HSPG2: variants seen among roughly 807,000 people sequenced by gnomAD.
The protein encoded by HSPG2 is heparan sulfate proteoglycan 2.
In HSPG2, 278 loss-of-function variants were observed where a neutral mutation model predicts 526.6. The ratio of observed to expected loss-of-function variants is 0.53; its 90% CI spans 0.48 to 0.58. HSPG2 has a LOEUF of 0.58. Ranked by LOEUF, HSPG2 falls within the 20% of genes least tolerant of loss-of-function variation. The pLI is 0.00. For missense variants in HSPG2, 5,354 were observed against 6,099.5 expected, an observed-to-expected ratio of 0.88 and a Z score of 4.07; for synonymous variants, 2,465 against 2,555.4, an observed-to-expected ratio of 0.96 and a Z score of 1.07.
rs145115799 is a variant in HSPG2, at chr1:21,931,535, G to A, written c.63+5620C>T. Among the ~76,000 whole-genome samples the A allele has an allele frequency of 3.7e-3, 567 of 152,316 alleles. 7 individuals are homozygous for A. Among genetic ancestry groups the A allele is most frequent in the Non-Finnish European group, 3.6e-3 (242 of 68,012 alleles). ...GGTAGGCCCAGCAGATACTTGGGAA[G>A]CTGCCGGGGAACCAAGTCATATTCA... On this transcript the variant is annotated intron_variant, in intron 1 of 96. Transcript: ENST00000374695.
At chr1:21,827,966 G>T (rs754935588) in intron 90 of HSPG2, 47 bp from the exon 91 acceptor site, 24 of 1,610,672 alleles carry the variant, frequency 1.5e-5, no homozygotes, top group Non-Finnish European at 2.0e-5. Flanking sequence ...ACACCCGTGG[G>T]TACTATGTCG....
rs375141478 is a variant in HSPG2 at position 21,850,141 on chromosome 1, G to A, written c.7346C>T (p.Ala2449Val). 3.4e-5 allele frequency: 55 copies of A among 1,613,286 alleles called. No individual in the cohort carries two copies. The highest frequency in any genetic ancestry group is 4.5e-5 in the Non-Finnish European group (53 of 1,180,040). The change falls in exon 57 of 97, where the codon GCC (alanine) becomes GTC (valine). Residue 2449 changes from alanine to valine, a missense_variant. Transcript: ENST00000374695. ...VRIESSSSQVAEGQTLDLNCL... is the reference protein window; with the variant it reads ...VRIESSSSQVVEGQTLDLNCL... Reference sequence around the variant, plus strand: ...GTTCAGGTCCAGGGTCTGCCCCTCGGCCACTTGCGAAGACGATGACTCGAT... The same window carrying A: ...GTTCAGGTCCAGGGTCTGCCCCTCGACCACTTGCGAAGACGATGACTCGAT...
rs1284358564 is a variant in HSPG2 at position 21,842,348 on chromosome 1, G to A, written c.8943C>T (p.Val2981=). 1 of 1,610,536 alleles carries A rather than the reference G, an allele frequency of 6.2e-7. No individual in the cohort carries two copies. The highest frequency in any genetic ancestry group is 1.1e-5 in the South Asian group (1 of 90,852). The part of the protein sequence containing the change: ...THGSQLRLHL[V]SPADSGEYVC... ...CATACTCGCCTGAGTCGGCAGGGGAGACGAGGTGGAGCCGCAGCTGGGAGC... is the reference window on the plus strand; with the variant it reads ...CATACTCGCCTGAGTCGGCAGGGGAAACGAGGTGGAGCCGCAGCTGGGAGC... The change falls in exon 68 of 97, where the codon GTC becomes GTT. Residue 2981 remains valine, a synonymous_variant. Transcript: ENST00000374695.
chr1:21,864,189 T>C lies in HSPG2; in HGVS notation c.4651A>G (p.Thr1551Ala), dbSNP rs1408726373. 1.3e-6 allele frequency: 2 copies of C among 1,553,236 alleles called. No homozygotes were observed. The highest frequency in any genetic ancestry group is 1.7e-6 in the Non-Finnish European group (2 of 1,148,248). Residue 1551 changes from threonine to alanine, a missense_variant, in exon 37 of 97, where the codon ACC becomes GCC. By Grantham distance (58) the Thr-to-Ala change is moderately conservative. Transcript: ENST00000374695. This position sits in a 1 kb window ranked among gnomAD's most constrained non-coding sequence, Gnocchi z 4.8. ...TGGCCGAGGTAGAGCCCACTCCCGG[T>C]GCGCGTGTAGCCGGGGGCACAGTCC... is the stretch of plus-strand genomic sequence containing the variant. The part of the protein sequence containing the change: ...CQDCAPGYTR[T>A]GSGLYLGHCE...
chr1:21,870,939 G>A, intron 33 of HSPG2: 1 of 935,394 alleles, frequency 1.1e-6, no homozygotes, highest in Non-Finnish European at 1.3e-6. Context: ...GGACAGGGCA[G>A]CAGGGAGGCC....
Position 21,873,075 on chromosome 1 carries a change from T to G in HSPG2, c.3810A>C (p.Pro1270=), listed in dbSNP as rs1640781786. The G allele has an allele frequency of 6.2e-7, 1 of 1,601,174 alleles. No homozygotes were observed. The highest frequency in any genetic ancestry group is 8.5e-7 in the Non-Finnish European group (1 of 1,179,780). Residue 1270 remains proline, a synonymous_variant, in exon 31 of 97, where the codon CCA becomes CCC. Coordinates refer to ENST00000374695, the MANE Select transcript of HSPG2 (RefSeq NM_005529.7). ...GQPCQRDSQV[P]GPIGCNCDPQ... ...GGTCACAGTTGCAGCCTATGGGCCC[T>G]GGCACCTGGCTGTCTCCTGAGGTGG...
intron 13 of HSPG2, among the ~76,000 whole-genome samples, chr1:21,884,033 G>A (rs1641691509): frequency 6.6e-6 from 1 of 152,224 alleles, no homozygotes; most frequent in African/African-American, 2.4e-5. Context: ...TGGGTACACT[G>A]GCACCTCTGT....
In HSPG2 at chr1:21,854,274, C is replaced by A; in HGVS notation, c.6358G>T (p.Glu2120Ter). 6.3e-7 allele frequency: 1 copy of A among 1,579,576 alleles called. No homozygotes were observed. Among genetic ancestry groups the A allele is most frequent in the East Asian group, 2.3e-5 (1 of 43,482 alleles). The change falls in exon 50 of 97, where the codon GAG becomes TAG. Residue 2120 changes from glutamate (E) to a stop codon, truncating the protein, a stop_gained. Coordinates refer to ENST00000374695, the MANE Select transcript of HSPG2 (RefSeq NM_005529.7). LOFTEE classifies it high-confidence loss of function. ...ADSGEYVCRV[E>*]NGSGPKEASI... ...GCCTCCTTGGGGCCCGATCCATTCTCCACACGGCACACATATTCTCCAGAA... is the reference window on the plus strand; with the variant it reads ...GCCTCCTTGGGGCCCGATCCATTCTACACACGGCACACATATTCTCCAGAA...
In HSPG2 at chr1:21,852,249, T is replaced by C. The variant is rs1238188228; in HGVS notation, c.6725-16A>G. 3 of 1,613,726 alleles carry C rather than the reference T, an allele frequency of 1.9e-6. No homozygotes were observed. The Admixed American group carries it at 5.0e-5, about 27-fold the overall frequency. On this transcript the variant is annotated splice_polypyrimidine_tract_variant and intron_variant, in intron 52 of 96. Transcript: ENST00000374695. ...GGGATGGGTCCTGCAGCAGTGGGGA[T>C]GGGAGTGAGAGTTGTAGATGCTCCT...
chr1:21,878,105 A>G, intron 21 of HSPG2, 81 bp downstream of exon 21: 1 of 1,290,530 alleles, frequency 7.7e-7, no homozygotes, highest in South Asian at 1.2e-5. Context: ...ATCTATGGAG[A>G]GGACGGAGCT....
chr1:21,844,406 CT>C (rs1479124586), intron 64 of HSPG2, 107 bp from the exon 65 acceptor site: 4 of 1,259,932 alleles, frequency 3.2e-6, no homozygotes, highest in Non-Finnish European at 4.4e-6. Flanking sequence ...GACATGGCTT[CT>C]TTCCCTTCCC....
intron 52 of HSPG2, 41 bp downstream of exon 52, chr1:21,852,659 T>C: frequency 5.6e-6 from 9 of 1,611,700 alleles, no homozygotes; most frequent in Non-Finnish European, 7.6e-6. Context: ...CGGAGGCCTC[T>C]CTGCCTCCTC....
chr1:21,837,500 G>T (rs546724537), intron 74 of HSPG2, among the ~76,000 whole-genome samples: 2 of 151,612 alleles, frequency 1.3e-5, no homozygotes, highest in East Asian at 3.9e-4. Flanking sequence ...TGTTGCCCAG[G>T]CTGGTCTCAA....
chr1:21,878,861 T>G (rs974104907), intron 18 of HSPG2, 133 bp downstream of exon 18: 9 of 1,283,724 alleles, frequency 7.0e-6, no homozygotes, highest in Non-Finnish European at 8.7e-6. Context: ...CCTAGAGAGG[T>G]CCAGGAGCAT....
intron 95 of HSPG2, 60 bp from the exon 96 acceptor site, chr1:21,823,779 G>A (rs1449739785): frequency 1.8e-5 from 23 of 1,304,024 alleles, no homozygotes; most frequent in African/African-American, 2.9e-5. Context: ...CCGGCCCCAC[G>A]ACAGAGTCCC....
At position 21,836,866 on chromosome 1, in the gene HSPG2, G is replaced by A. The variant is rs1408704997; in HGVS notation, c.10291C>T (p.Leu3431Phe). 1 of 1,580,748 alleles carries A rather than the reference G, an allele frequency of 6.3e-7. No homozygotes were observed. Among genetic ancestry groups the A allele is most frequent in the East Asian group, 2.3e-5 (1 of 43,228 alleles). The change falls in exon 75 of 97, where the codon CTC (leucine) becomes TTC (phenylalanine). Residue 3431 changes from leucine (L) to phenylalanine (F), a missense_variant. By Grantham distance (22) the Leu-to-Phe change is conservative (BLOSUM62 0). Transcript: ENST00000374695. Reference protein sequence around the residue: ...CAVPSDRGTQLRWFKEGGQLP... With the variant: ...CAVPSDRGTQFRWFKEGGQLP... ...TGACCCCCTTCCTTGAACCAACGGA[G>A]CTGGGTACCCCGGTCGCTGGGCACA...
In HSPG2 at chr1:21,887,416, G is replaced by C. The variant is rs556644210; in HGVS notation, c.958+4C>G. 3.1e-6 allele frequency: 5 copies of C among 1,613,980 alleles called. No individual in the cohort carries two copies. The South Asian group carries it at 5.5e-5, about 18-fold the overall frequency. ...CACCCACCTGCACCCCTGCCGGTGC[G>C]CACCACAGTCTAGCTCATCGCTGCC... On this transcript the variant is annotated splice_donor_region_variant and intron_variant, in intron 8 of 96. Transcript: ENST00000374695. This position sits in a 1 kb window ranked among gnomAD's most constrained non-coding sequence, Gnocchi z 5.0.
Position 21,904,681 on chromosome 1 carries a change from G to A in HSPG2, c.64-8371C>T, listed in dbSNP as rs1184406283. Among the ~76,000 whole-genome samples, 3 of 152,210 alleles carry A rather than the reference G, an allele frequency of 2.0e-5. No homozygotes were observed. Among genetic ancestry groups the A allele is most frequent in the Admixed American group, 6.5e-5 (1 of 15,280 alleles). ...CCCATGTGCCAGGTGTGGCCAAGGC[G>A]GTGGGGGTGGCCTAAGCGGGAACAG... is the stretch of plus-strand genomic sequence containing the variant. On this transcript the variant is annotated intron_variant, in intron 1 of 96. Transcript: ENST00000374695. The surrounding 1 kb of genome is among the most constrained non-coding windows in gnomAD (Gnocchi z 4.4).
intron 6 of HSPG2, 161 bp downstream of exon 6, chr1:21,889,820 C>T (rs1034064091): frequency 1.4e-5 from 11 of 764,008 alleles, no homozygotes; most frequent in Middle Eastern, 4.6e-4. Flanking sequence ...CTGTGCTCTA[C>T]CAAGCCAAGA....
Sources: allele counts gnomAD v4.1 joint callset (sites outside exome capture counted in the v4.1 genomes callset), GRCh38; gene constraint gnomAD v4.1.1; non-coding constraint Gnocchi (gnomAD v3.1); transcripts MANE v1.5; gene names NCBI Gene and HGNC (gene_info 2026-07-23, HGNC 2026-07-21).